ADAMTS19: variants seen among roughly 807,000 people sequenced by gnomAD.
The protein encoded by ADAMTS19 is A disintegrin and metalloproteinase with thrombospondin motifs 19.
A neutral mutation model predicts 153.3 loss-of-function variants in ADAMTS19; 93 were observed. That is an observed-to-expected ratio of 0.61 (90% confidence interval 0.51 to 0.72). The LOEUF is 0.72. Among genes scored for constraint, ADAMTS19 ranks in the 30% least tolerant of loss-of-function variants. The probability of loss-of-function intolerance (pLI) is 0.00; values close to 1 mark genes in which losing one functional copy is unlikely to be tolerated. For missense variants in ADAMTS19, 1,482 were observed against 1,552.1 expected (o/e 0.95, Z 0.76); for synonymous variants, 600 against 556.6 (o/e 1.08, Z -1.10).
intron 3 of ADAMTS19, among the ~76,000 whole-genome samples, chr5:129,523,962 C>T (rs1751914668): frequency 6.6e-6 from 1 of 152,178 alleles, no homozygotes; most frequent in African/African-American, 2.4e-5. Flanking sequence ...AGAAAAACTA[C>T]TGTAAATTTC....
chr5:129,542,329 A>G (rs1349779963), intron 6 of ADAMTS19, among the ~76,000 whole-genome samples: 1 of 152,178 alleles, frequency 6.6e-6, no homozygotes, highest in Non-Finnish European at 1.5e-5. Flanking sequence ...GCTGATGACT[A>G]GAATACACTG....
intron 6 of ADAMTS19, among the ~76,000 whole-genome samples, chr5:129,546,590 G>C (rs867524876): frequency 4.0e-5 from 6 of 150,954 alleles, no homozygotes; most frequent in African/African-American, 5.0e-5. Flanking sequence ...GGTATCTTCA[G>C]TGTGTTGAGA....
rs138854693 is a variant in ADAMTS19 at position 129,620,892 on chromosome 5, C to A, written c.1619+134C>A. 1.3e-3 allele frequency: 1,128 copies of A among 852,972 alleles called. 9 individuals are homozygous for A. The African/African-American group carries it at 0.017, about 13-fold the overall frequency. 52.8% of individuals were successfully genotyped at this position (852,972 alleles called of 1,614,324 possible). A position where few individuals can be genotyped will look rare whatever the true frequency, so the allele number is the denominator to read the frequency against. The stretch of plus-strand genomic sequence containing the variant: ...TGAAGGTACTTGGTTCCAATCCTGG[C>A]TTTTCCATTAACTCATGGTGTAGTT... On this transcript the variant is annotated intron_variant, in intron 9 of 22. Coordinates refer to ENST00000274487, the MANE Select transcript of ADAMTS19 (RefSeq NM_133638.6).
chr5:129,541,192 T>C (rs1752642549), intron 6 of ADAMTS19, among the ~76,000 whole-genome samples: 1 of 150,216 alleles, frequency 6.7e-6, no homozygotes, highest in Non-Finnish European at 1.5e-5. Flanking sequence ...TTTTTTGTAA[T>C]GTGCTTTTTT....
At chr5:129,636,854 C>T (rs30693) in intron 10 of ADAMTS19, among the ~76,000 whole-genome samples, 4 of 152,098 alleles carry the variant, frequency 2.6e-5, no homozygotes, top group East Asian at 3.9e-4. Flanking sequence ...ATTGCTTTTC[C>T]GTCCTTTCTT....
chr5:129,684,366 C>T, intron 18 of ADAMTS19, 93 bp downstream of exon 18: 1 of 1,454,782 alleles, frequency 6.9e-7, no homozygotes, highest in South Asian at 1.4e-5. Context: ...CCCTAATCTG[C>T]AATTCCAAAA....
In ADAMTS19 at chr5:129,483,445, G is replaced by T. The variant is rs139227126; in HGVS notation, c.747+21688G>T. 2.9e-3 allele frequency among the ~76,000 whole-genome samples: 439 copies of T among 152,294 alleles called. 3 individuals carry two copies. Among genetic ancestry groups the T allele is most frequent in the African/African-American group, 9.9e-3 (411 of 41,568 alleles). On this transcript the variant is annotated intron_variant, in intron 2 of 22. Coordinates refer to ENST00000274487, the MANE Select transcript of ADAMTS19 (RefSeq NM_133638.6). ...GGCAGGATAATTGTTGTAGGGGGCT[G>T]TCCCATGCATTGTAGGCTATTTAAC...
At chr5:129,527,616 CTTTTT>C (rs370814072) in intron 4 of ADAMTS19, 127 bp from the exon 5 acceptor site, 8,918 of 177,156 alleles carry the variant, frequency 0.05, 933 homozygotes, top group African/African-American at 0.23. Context: ...GCTTTACAAG[CTTTTT>C]TTTTTTTTTT....
At chr5:129,501,669 A>G (rs899601800) in intron 2 of ADAMTS19, among the ~76,000 whole-genome samples, 2 of 152,132 alleles carry the variant, frequency 1.3e-5, no homozygotes, top group African/African-American at 4.8e-5. Context: ...TTGTGATCTT[A>G]GGAGATAATA....
chr5:129,492,387 C>CA (rs1198756811), intron 2 of ADAMTS19, among the ~76,000 whole-genome samples: 2 of 152,000 alleles, frequency 1.3e-5, no homozygotes, highest in African/African-American at 4.8e-5. Context: ...CAAACTGTAT[C>CA]ATAAGTGGAG....
chr5:129,690,004 C>T (rs1284878472), intron 18 of ADAMTS19, among the ~76,000 whole-genome samples: 1 of 152,156 alleles, frequency 6.6e-6, no homozygotes. Flanking sequence ...ATGATTTTGT[C>T]ACCATTTTAG....
intron 6 of ADAMTS19, among the ~76,000 whole-genome samples, chr5:129,536,087 C>G (rs1752410708): frequency 6.6e-6 from 1 of 152,120 alleles, no homozygotes. Context: ...TAAAGAGCTT[C>G]TGCACATCAA....
chr5:129,596,668 A>G lies in ADAMTS19; in HGVS notation c.1478+4A>G. On this transcript the variant is annotated splice_donor_region_variant and intron_variant, in intron 8 of 22. Coordinates refer to ENST00000274487, the MANE Select transcript of ADAMTS19 (RefSeq NM_133638.6). ...TTGCTCATGAAATGGGTCACAAGTA[A>G]GTAAAAATCATGGCTATGTTAAATA... 1 of 1,585,602 alleles carries G rather than the reference A, an allele frequency of 6.3e-7. No individual in the cohort carries two copies. The highest frequency in any genetic ancestry group is 8.6e-7 in the Non-Finnish European group (1 of 1,161,038).
chr5:129,486,700 C>G (rs182100901), intron 2 of ADAMTS19, among the ~76,000 whole-genome samples: 2 of 152,050 alleles, frequency 1.3e-5, no homozygotes, highest in Non-Finnish European at 2.9e-5. Flanking sequence ...ATTCTAACCA[C>G]TTCTATTCAA....
chr5:129,513,249 A>T (rs148475235), intron 3 of ADAMTS19, among the ~76,000 whole-genome samples: 21 of 151,998 alleles, frequency 1.4e-4, no homozygotes, highest in African/African-American at 4.8e-4. Flanking sequence ...TGTTCCTCTA[A>T]GTCTGATTGA....
intron 10 of ADAMTS19, among the ~76,000 whole-genome samples, chr5:129,623,981 G>T (rs1374462505): frequency 1.3e-5 from 2 of 151,290 alleles, no homozygotes; most frequent in Admixed American, 1.3e-4. Context: ...AAAAAAATTA[G>T]CTGGGCATGG....
chr5:129,549,503 A>G (rs1219784620), intron 6 of ADAMTS19, among the ~76,000 whole-genome samples: 3 of 151,714 alleles, frequency 2.0e-5, no homozygotes, highest in Non-Finnish European at 2.9e-5. Context: ...ATAATAGTTC[A>G]AAATAAACAA....
At chr5:129,717,401 T>C (rs941017955) in intron 21 of ADAMTS19, among the ~76,000 whole-genome samples, 7 of 152,320 alleles carry the variant, frequency 4.6e-5, no homozygotes, top group African/African-American at 1.7e-4. Flanking sequence ...AGATTTCATA[T>C]ATTTTACAAC....
chr5:129,513,174 ACCC>A, intron 3 of ADAMTS19, among the ~76,000 whole-genome samples: 1 of 151,086 alleles, frequency 6.6e-6, no homozygotes, highest in South Asian at 2.1e-4. Flanking sequence ...TTAAAAATAA[ACCC>A]CCCAACCAAA....
Sources: allele counts gnomAD v4.1 joint callset (sites outside exome capture counted in the v4.1 genomes callset), GRCh38; gene constraint gnomAD v4.1.1; transcripts MANE v1.5; gene names NCBI Gene and HGNC (gene_info 2026-07-23, HGNC 2026-07-21).